Variants in ZFAND4 observed in about 807,000 individuals in gnomAD.
The protein encoded by ZFAND4 is zinc finger AN1-type containing 4.
ZFAND4 carries 43 observed loss-of-function variants against 64.4 expected under a neutral mutation model. That is an observed-to-expected ratio of 0.67 (90% CI 0.52 to 0.86). The LOEUF (loss-of-function observed/expected upper bound fraction) is 0.86, where lower values mean the gene tolerates loss of function less well. ZFAND4 is among the 40% of genes least tolerant of loss of function. The pLI, the probability that ZFAND4 is intolerant of heterozygous loss-of-function variation, is 0.00. For synonymous variants in ZFAND4, 296 were observed against 305.7 expected, an observed-to-expected ratio of 0.97 and a Z score of 0.33; for missense variants, 929 against 859.8, an observed-to-expected ratio of 1.08 and a Z score of -1.01.
chr10:45,638,495 CA>C (rs1445586627), intron 6 of ZFAND4, among the ~76,000 whole-genome samples: 1 of 150,996 alleles, frequency 6.6e-6, no homozygotes, highest in Non-Finnish European at 1.5e-5. Flanking sequence ...AGAAAAAAAA[CA>C]AAAAACAAAA....
chr10:45,625,547 TG>T (rs1428654532), intron 7 of ZFAND4, among the ~76,000 whole-genome samples: 1 of 150,232 alleles, frequency 6.7e-6, no homozygotes, highest in Non-Finnish European at 1.5e-5. Context: ...TTACTTGGGA[TG>T]GAAAAAAACA....
intron 1 of ZFAND4, among the ~76,000 whole-genome samples, chr10:45,671,032 C>T (rs868206368): frequency 6.6e-6 from 1 of 152,188 alleles, no homozygotes; most frequent in Non-Finnish European, 1.5e-5. Context: ...TATGAACAGA[C>T]AGTTCTCAAA....
At chr10:45,656,544 A>C (rs1164065397) in intron 2 of ZFAND4, among the ~76,000 whole-genome samples, 2 of 150,584 alleles carry the variant, frequency 1.3e-5, no homozygotes, top group Non-Finnish European at 3.0e-5. Flanking sequence ...AAAAGAAAGA[A>C]AGAAAAGAAA....
chr10:45,666,567 T>C (rs1009102978), intron 1 of ZFAND4, among the ~76,000 whole-genome samples: 2 of 152,216 alleles, frequency 1.3e-5, no homozygotes, highest in Admixed American at 1.3e-4. Flanking sequence ...CTATTTTTCT[T>C]TTATCATACT....
intron 2 of ZFAND4, among the ~76,000 whole-genome samples, chr10:45,654,265 A>T (rs187162320): frequency 6.6e-6 from 1 of 152,226 alleles, no homozygotes; most frequent in South Asian, 2.1e-4. Flanking sequence ...TCAGCAACAC[A>T]CAATTTACCC....
chr10:45,631,537 C>T (rs909318650), intron 6 of ZFAND4, among the ~76,000 whole-genome samples: 5 of 151,986 alleles, frequency 3.3e-5, no homozygotes, highest in Admixed American at 6.6e-5. Context: ...TCCTCATTTT[C>T]TCCAGACAAA....
Position 45,632,198 on chromosome 10 carries a change from C to CA in ZFAND4, c.718-5094dup, listed in dbSNP as rs965290248. Among the ~76,000 whole-genome samples, 564 of 148,202 alleles carry CA rather than the reference C, an allele frequency of 3.8e-3. 4 individuals are homozygous for CA. Among genetic ancestry groups the CA allele is most frequent in the African/African-American group, 0.013 (511 of 40,476 alleles). ...TGAAACCCCGTCTCTAGTAAAGATA[C>CA]AAAAAAAAAATTAGCCGGGTGTGGT... On this transcript the variant is annotated intron_variant, in intron 6 of 9. Transcript: ENST00000344646.
chr10:45,668,584 A>G (rs182198317), intron 1 of ZFAND4, among the ~76,000 whole-genome samples: 10 of 152,364 alleles, frequency 6.6e-5, no homozygotes, highest in South Asian at 6.2e-4. Context: ...AGACATTTTA[A>G]TGTCTGGCAA....
intron 2 of ZFAND4, among the ~76,000 whole-genome samples, chr10:45,660,539 T>C (rs1404909151): frequency 6.6e-6 from 1 of 151,872 alleles, no homozygotes; most frequent in African/African-American, 2.4e-5. Context: ...TAATGAAACA[T>C]ACCAAACCAC....
At chr10:45,621,961 G>C (rs1309107014) in intron 8 of ZFAND4, among the ~76,000 whole-genome samples, 3 of 152,206 alleles carry the variant, frequency 2.0e-5, no homozygotes, top group Non-Finnish European at 4.4e-5. Context: ...TTTCAGAAGA[G>C]CAGTGAGACG....
chr10:45,657,650 G>A (rs1237493762), intron 2 of ZFAND4, among the ~76,000 whole-genome samples: 1 of 152,078 alleles, frequency 6.6e-6, no homozygotes, highest in Non-Finnish European at 1.5e-5. Context: ...AAGTTTATAT[G>A]GCTTTATTTG....
chr10:45,635,216 A>AAAAAAAAC (rs2046500962), intron 6 of ZFAND4, among the ~76,000 whole-genome samples: 5 of 139,468 alleles, frequency 3.6e-5, no homozygotes, highest in African/African-American at 1.2e-4. Flanking sequence ...AAAAAAAACA[A>AAAAAAAAC]AAAAAAAACA....
At chr10:45,620,690 T>A (rs887382320) in intron 8 of ZFAND4, 1 of 152,138 alleles carries the variant, frequency 6.6e-6, no homozygotes, top group Non-Finnish European at 1.5e-5. Flanking sequence ...AAATCTAAAT[T>A]CCTTGGACTG....
chr10:45,639,718 T>C (rs964489715), intron 6 of ZFAND4, 98 bp downstream of exon 6: 9 of 1,405,050 alleles, frequency 6.4e-6, no homozygotes, highest in Non-Finnish European at 8.5e-6. Flanking sequence ...AAATGAATAA[T>C]ACTTTATAAT....
intron 2 of ZFAND4, among the ~76,000 whole-genome samples, chr10:45,654,417 G>A (rs1363268718): frequency 6.6e-6 from 1 of 152,006 alleles, no homozygotes; most frequent in African/African-American, 2.4e-5. Context: ...TCAAGAGATC[G>A]AGACCATCCT....
In ZFAND4 at chr10:45,626,716, A is replaced by C; in HGVS notation, c.1107T>G (p.His369Gln). The C allele has an allele frequency of 6.2e-7, 1 of 1,614,236 alleles. No individual in the cohort carries two copies. Among genetic ancestry groups the C allele is most frequent in the Non-Finnish European group, 8.5e-7 (1 of 1,180,036 alleles). The change falls in exon 7 of 10, where the codon CAT (histidine) becomes CAG (glutamine). Residue 369 changes from histidine to glutamine, a missense_variant. Physicochemically the swap from His to Gln is conservative, Grantham distance 24. Transcript: ENST00000344646. The stretch of plus-strand genomic sequence containing the variant: ...TACTAGATGGCAAGTTTCCTAAAAA[A>C]TGTTTTGTTTGCCTAGGCAGGGATG... The part of the protein sequence containing the change: ...LGSSLPRQTK[H>Q]FLGNLPSSNG...
At chr10:45,659,662 T>G (rs1373883647) in intron 2 of ZFAND4, among the ~76,000 whole-genome samples, 1 of 152,138 alleles carries the variant, frequency 6.6e-6, no homozygotes, top group Non-Finnish European at 1.5e-5. Context: ...GTCAGAGATC[T>G]TGAAATTATC....
At chr10:45,656,179 T>C (rs112360073) in intron 2 of ZFAND4, among the ~76,000 whole-genome samples, 9,088 of 152,162 alleles carry the variant, frequency 0.06, 393 homozygotes, top group African/African-American at 0.12. Context: ...TGCAGTGAGC[T>C]GAGATCGCAC....
At chr10:45,655,985 A>C (rs2048070376) in intron 2 of ZFAND4, among the ~76,000 whole-genome samples, 2 of 152,224 alleles carry the variant, frequency 1.3e-5, no homozygotes. Flanking sequence ...TAATCCCAGC[A>C]CTTTGGGAGG....
Sources: gnomAD v4.1 joint callset for allele counts (sites outside exome capture counted in the v4.1 genomes callset) on GRCh38, gnomAD v4.1.1 for gene constraint, MANE v1.5 for transcripts, NCBI Gene and HGNC (gene_info 2026-07-23, HGNC 2026-07-21) for gene names.